Variants in TBC1D24 observed in about 807,000 individuals in gnomAD.
TBC1D24 encodes Infantile myoclonic epilepsy.
Under a neutral mutation model 50.7 loss-of-function variants are expected in TBC1D24, and 47 were observed. The ratio of observed to expected loss-of-function variants is 0.93; its 90% CI spans 0.73 to 1.18. TBC1D24 has a LOEUF of 1.18. TBC1D24 is among the 50% of genes most tolerant of loss of function. The pLI is 0.00. For synonymous variants in TBC1D24, 324 were observed against 335.2 expected (o/e 0.97, Z 0.36); for missense variants, 688 against 766.5 (o/e 0.90, Z 1.21).
At chr16:2,492,848 T>G (rs2065706471) in intron 1 of TBC1D24, among the ~76,000 whole-genome samples, 3 of 152,092 alleles carry the variant, frequency 2.0e-5, no homozygotes, top group Non-Finnish European at 2.9e-5. Flanking sequence ...ATCTCAGCAC[T>G]TTGGGAGGCT....
intron 1 of TBC1D24, among the ~76,000 whole-genome samples, chr16:2,493,937 T>C (rs2065716755): frequency 1.3e-5 from 2 of 152,200 alleles, no homozygotes; most frequent in Non-Finnish European, 2.9e-5. Context: ...GCACCTTCCA[T>C]TTAGGTCCCA....
chr16:2,485,570 G>C lies in TBC1D24; in HGVS notation c.-116+10400G>C, dbSNP rs780045696. On this transcript the variant is annotated intron_variant, in intron 1 of 7. Coordinates refer to ENST00000646147, the MANE Select transcript of TBC1D24 (RefSeq NM_001199107.2). This position sits in a 1 kb window ranked among gnomAD's most constrained non-coding sequence, Gnocchi z 4.6. ...AGCAAATTCATTGAACCCAAAGCAGGGGTTGTGGGAACCCCAACTTGAAGT... is the reference window on the plus strand; with the variant it reads ...AGCAAATTCATTGAACCCAAAGCAGCGGTTGTGGGAACCCCAACTTGAAGT... The C allele has an allele frequency of 2.6e-5, 4 of 152,214 alleles. No individual in the cohort carries two copies. Among genetic ancestry groups the C allele is most frequent in the Non-Finnish European group, 5.9e-5 (4 of 68,040 alleles). 9.4% of individuals were successfully genotyped at this position (152,214 alleles called of 1,614,324 possible). A position where few individuals can be genotyped will look rare whatever the true frequency, so the allele number is the denominator to read the frequency against.
chr16:2,496,790 C>G lies in TBC1D24; in HGVS notation c.642C>G (p.Arg214=), dbSNP rs948349343. The G allele has an allele frequency of 6.2e-7, 1 of 1,613,878 alleles. No homozygotes were observed. The highest frequency in any genetic ancestry group is 8.5e-7 in the Non-Finnish European group (1 of 1,180,062). ...TGCAGGTCTATGCGGACTGGCAGCG[C>G]TGGCTGTTTGGGGAGCTGCCCCTCT... ...DVLQVYADWQ[R]WLFGELPLCY... The change falls in exon 2 of 8, where the codon CGC becomes CGG. Residue 214 remains arginine, a synonymous_variant. Coordinates refer to ENST00000646147, the MANE Select transcript of TBC1D24 (RefSeq NM_001199107.2).
chr16:2,491,465 T>G (rs2065694462), intron 1 of TBC1D24, among the ~76,000 whole-genome samples: 2 of 152,032 alleles, frequency 1.3e-5, no homozygotes, highest in Non-Finnish European at 2.9e-5. Context: ...CAGGTCCCAC[T>G]GCAGCCTTGA....
In TBC1D24 at chr16:2,499,065, G is replaced by A. The variant is rs908943532; in HGVS notation, c.1143-292G>A. 4.6e-5 allele frequency among the ~76,000 whole-genome samples: 7 copies of A among 152,334 alleles called. No individual in the cohort carries two copies. The South Asian group carries it at 8.3e-4, about 18-fold the overall frequency. On this transcript the variant is annotated intron_variant, in intron 4 of 7. Coordinates refer to ENST00000646147, the MANE Select transcript of TBC1D24 (RefSeq NM_001199107.2). The surrounding 1 kb of genome is among the most constrained non-coding windows in gnomAD (Gnocchi z 4.0). ...CGAGGATGGCCCAAACCTCCCCACCGCAGGGACCTGTTCCTCTGGTTCCTG... is the reference window on the plus strand; with the variant it reads ...CGAGGATGGCCCAAACCTCCCCACCACAGGGACCTGTTCCTCTGGTTCCTG...
rs1481224621 is a variant in TBC1D24 at position 2,501,093 on chromosome 16, C to T, written c.*135C>T. ...GGACGGCAGGACCCCATGGCCAAGC[C>T]TGGCGTTGCCTGGACCTGCTGCTGC... is the stretch of plus-strand genomic sequence containing the variant. On this transcript the variant is annotated 3_prime_UTR_variant, in exon 8 of 8. Transcript: ENST00000646147. 4 of 1,148,414 alleles carry T rather than the reference C, an allele frequency of 3.5e-6. No homozygotes were observed. Among genetic ancestry groups the T allele is most frequent in the Non-Finnish European group, 3.7e-6 (3 of 815,930 alleles). 71.1% of individuals were successfully genotyped at this position (1,148,414 alleles called of 1,614,324 possible).
rs2065774402 is a variant in TBC1D24, at chr16:2,499,734, G to C, written c.1207-101G>C. On this transcript the variant is annotated intron_variant, in intron 5 of 7. Transcript: ENST00000646147. This position sits in a 1 kb window ranked among gnomAD's most constrained non-coding sequence, Gnocchi z 4.0. ...GTGGGGGTGGGAGACGGCAATGCCT[G>C]CACCCCCACCTGTGACCTGGGACAG... The C allele has an allele frequency of 1.9e-6, 2 of 1,057,310 alleles. No homozygotes were observed. Among genetic ancestry groups the C allele is most frequent in the Admixed American group, 1.7e-5 (1 of 58,994 alleles). 65.5% of individuals were successfully genotyped at this position (1,057,310 alleles called of 1,614,324 possible).
At chr16:2,490,533 G>T (rs2065687136) in intron 1 of TBC1D24, among the ~76,000 whole-genome samples, 1 of 152,230 alleles carries the variant, frequency 6.6e-6, no homozygotes, top group Non-Finnish European at 1.5e-5. Flanking sequence ...GCCTTGGGCT[G>T]CCTGAACCCG....
At chr16:2,480,336 G>A (rs1471487370) in intron 1 of TBC1D24, 1 of 151,868 alleles carries the variant, frequency 6.6e-6, no homozygotes, top group African/African-American at 2.4e-5. Context: ...TTACTATGTT[G>A]CCCAGGCTGG....
In TBC1D24 at chr16:2,500,206, C is replaced by A; in HGVS notation, c.1303-62C>A. On this transcript the variant is annotated intron_variant, in intron 6 of 7. Transcript: ENST00000646147. The surrounding 1 kb of genome is among the most constrained non-coding windows in gnomAD (Gnocchi z 8.0). Reference sequence around the variant, plus strand: ...ATTCACGGGATGAAACGGGTTGTGGCTCTGGGGCAGAGGGGCCTGCGAACG... The same window carrying A: ...ATTCACGGGATGAAACGGGTTGTGGATCTGGGGCAGAGGGGCCTGCGAACG... The A allele has an allele frequency of 6.9e-7, 1 of 1,445,882 alleles. No individual in the cohort carries two copies. The highest frequency in any genetic ancestry group is 9.5e-7 in the Non-Finnish European group (1 of 1,052,350). The allele number at this position is 1,445,882 out of a possible 1,614,324, so 89.6% of individuals were successfully genotyped here.
Position 2,496,759 on chromosome 16 carries a change from A to G in TBC1D24, c.611A>G (p.Asp204Gly). 6.2e-7 allele frequency: 1 copy of G among 1,613,918 alleles called. No homozygotes were observed. The highest frequency in any genetic ancestry group is 8.5e-7 in the Non-Finnish European group (1 of 1,180,042). ...AAGCTGATGGTGGCCGTGTCGGAGG[A>G]TGTCCTGCAGGTCTATGCGGACTGG... The part of the protein sequence containing the change: ...AHKLMVAVSE[D>G]VLQVYADWQR... Residue 204 changes from aspartate to glycine, a missense_variant, in exon 2 of 8, where the codon GAT (aspartate) becomes GGT (glycine). Asp to Gly is a moderately conservative substitution (Grantham distance 94, BLOSUM62 -1). Coordinates refer to ENST00000646147, the MANE Select transcript of TBC1D24 (RefSeq NM_001199107.2).
intron 1 of TBC1D24, 104 bp from the exon 2 acceptor site, chr16:2,495,930 C>A (rs2065732962): frequency 1.7e-6 from 1 of 589,052 alleles, no homozygotes; most frequent in Non-Finnish European, 2.9e-6. Context: ...AGAGCGAGAC[C>A]CTGTCTCAAA....
rs767293945 is a variant in TBC1D24, at chr16:2,496,176, G to A, written c.28G>A (p.Val10Met). ...GGACTCTCCAGGATACAACTGCTTC[G>A]TGGACAAAGACAAGATGGACGCTGC... Reference protein sequence around the residue: MDSPGYNCFVDKDKMDAAIQ... With the variant: MDSPGYNCFMDKDKMDAAIQ... Residue 10 changes from valine (V) to methionine (M), a missense_variant, in exon 2 of 8, where the codon GTG becomes ATG. By Grantham distance (21) the Val-to-Met change is conservative. Coordinates refer to ENST00000646147, the MANE Select transcript of TBC1D24 (RefSeq NM_001199107.2). 9 of 1,613,942 alleles carry A rather than the reference G, an allele frequency of 5.6e-6. No individual in the cohort carries two copies. The highest frequency in any genetic ancestry group is 2.2e-5 in the South Asian group (2 of 91,082).
intron 2 of TBC1D24, 94 bp downstream of exon 2, chr16:2,497,207 GC>G: frequency 6.5e-7 from 1 of 1,545,594 alleles, no homozygotes; most frequent in South Asian, 1.1e-5. Context: ...CCTCCAGGCG[GC>G]CTCTGCCCAT....
At chr16:2,491,804 C>T (rs1249330550) in intron 1 of TBC1D24, among the ~76,000 whole-genome samples, 1 of 151,996 alleles carries the variant, frequency 6.6e-6, no homozygotes, top group African/African-American at 2.4e-5. Context: ...CCACCTGCCT[C>T]GGCCTCCCAA....
rs1331702945 is a variant in TBC1D24 at position 2,483,164 on chromosome 16, C to T, written c.-116+7994C>T. ...CTGGGAAGCTCACGCCTGACAAGCCCCCTTTCTTGGGGTAGAGTGGGTGGG... is the reference window on the plus strand; with the variant it reads ...CTGGGAAGCTCACGCCTGACAAGCCTCCTTTCTTGGGGTAGAGTGGGTGGG... On this transcript the variant is annotated intron_variant, in intron 1 of 7. Transcript: ENST00000646147. The surrounding 1 kb of genome is among the most constrained non-coding windows in gnomAD (Gnocchi z 4.0). The T allele has an allele frequency of 6.6e-6, 1 of 152,296 alleles. No homozygotes were observed. Among genetic ancestry groups the T allele is most frequent in the African/African-American group, 2.4e-5 (1 of 41,380 alleles). The allele number at this position is 152,296 out of a possible 1,614,324, so 9.4% of individuals were successfully genotyped here.
chr16:2,483,707 G>A lies in TBC1D24; in HGVS notation c.-116+8537G>A, dbSNP rs1326783492. On this transcript the variant is annotated intron_variant, in intron 1 of 7. Transcript: ENST00000646147. The surrounding 1 kb of genome is among the most constrained non-coding windows in gnomAD (Gnocchi z 4.0). ...ACAGAGAGGAAGGCCCTGAGCTGGA[G>A]AGAGAGGAGGCGGGTGGTGATGGGG... The A allele has an allele frequency of 6.5e-6, 1 of 152,916 alleles. No individual in the cohort carries two copies. Among genetic ancestry groups the A allele is most frequent in the Non-Finnish European group, 1.5e-5 (1 of 68,550 alleles). 9.5% of individuals were successfully genotyped at this position (152,916 alleles called of 1,614,324 possible). A position where few individuals can be genotyped will look rare whatever the true frequency, so the allele number is the denominator to read the frequency against.
At chr16:2,476,756 C>A in intron 1 of TBC1D24, 1 of 152,232 alleles carries the variant, frequency 6.6e-6, no homozygotes, top group East Asian at 1.9e-4. Flanking sequence ...CAGTGGCTTT[C>A]CACTGGGTTG....
intron 1 of TBC1D24, 81 bp from the exon 2 acceptor site, chr16:2,495,950 AACT>A: frequency 1.4e-6 from 1 of 704,390 alleles, no homozygotes; most frequent in Non-Finnish European, 2.3e-6. Flanking sequence ...AAGAAAAGAA[AACT>A]ACACCACATT....
Sources: allele counts gnomAD v4.1 joint callset (sites outside exome capture counted in the v4.1 genomes callset), GRCh38; gene constraint gnomAD v4.1.1; non-coding constraint Gnocchi (gnomAD v3.1); transcripts MANE v1.5; gene names NCBI Gene and HGNC (gene_info 2026-07-23, HGNC 2026-07-21).